JADE1: variants seen among roughly 807,000 people sequenced by gnomAD.
JADE1 encodes protein Jade-1.
In JADE1, 14 loss-of-function variants were observed where a neutral mutation model predicts 81.8. The observed-to-expected ratio is 0.17, with a 90% CI of 0.11 to 0.27. The LOEUF (loss-of-function observed/expected upper bound fraction) is 0.27. JADE1 is among the 10% of genes least tolerant of loss of function. The probability of loss-of-function intolerance (pLI) is 1.00; values close to 1 mark genes in which losing one functional copy is unlikely to be tolerated. For synonymous variants in JADE1, 353 were observed against 391.9 expected (o/e 0.90, Z 1.17); for missense variants, 690 against 1,047.9 (o/e 0.66, Z 4.71).
intron 9 of JADE1, among the ~76,000 whole-genome samples, chr4:128,867,092 T>G (rs1731836617): frequency 6.6e-6 from 1 of 152,208 alleles, no homozygotes. Context: ...CTCTTAGCAC[T>G]GGGTCTTTTC....
rs1256719633 is a variant in JADE1 at position 128,861,904 on chromosome 4, G to A, written c.1182G>A (p.Arg394=). ...QENGAPECSP[R]NPLEPFASLE... is the part of the protein sequence containing the mutation. ...ATGGGGCCCCTGAGTGTTCCCCCCGGAATCCGCTGGAGCCCTTTGCCAGCC... is the reference window on the plus strand; with the variant it reads ...ATGGGGCCCCTGAGTGTTCCCCCCGAAATCCGCTGGAGCCCTTTGCCAGCC... Residue 394 remains arginine, a synonymous_variant, in exon 9 of 11, where the codon CGG becomes CGA. Transcript: ENST00000226319. The A allele has an allele frequency of 1.9e-6, 3 of 1,613,958 alleles. No homozygotes were observed. Among genetic ancestry groups the A allele is most frequent in the East Asian group, 2.2e-5 (1 of 44,890 alleles).
At chr4:128,852,676 C>A (rs566101858) in intron 6 of JADE1, among the ~76,000 whole-genome samples, 1 of 152,262 alleles carries the variant, frequency 6.6e-6, no homozygotes, top group South Asian at 2.1e-4. Flanking sequence ...GTGGAACAGA[C>A]AAATTACTAC....
intron 5 of JADE1, among the ~76,000 whole-genome samples, chr4:128,849,530 A>T (rs1730165147): frequency 6.6e-6 from 1 of 152,076 alleles, no homozygotes; most frequent in Non-Finnish European, 1.5e-5. Flanking sequence ...TGCCATTCGG[A>T]TTCCTTCTTT....
intron 1 of JADE1, among the ~76,000 whole-genome samples, chr4:128,828,730 A>G (rs772013458): frequency 1.3e-5 from 2 of 152,172 alleles, no homozygotes; most frequent in African/African-American, 4.8e-5. Context: ...GTGCTTCCTC[A>G]GGGAGTTGTG....
chr4:128,846,370 T>G lies in JADE1; in HGVS notation c.139-5T>G. 2 of 1,613,598 alleles carry G rather than the reference T, an allele frequency of 1.2e-6. No homozygotes were observed. The highest frequency in any genetic ancestry group is 1.7e-6 in the Non-Finnish European group (2 of 1,179,624). ...ATGTCAGTGTCCCTTTCTCTTCCTTTCCAGGTGTTTAGGACAGACCTGATC... is the reference window on the plus strand; with the variant it reads ...ATGTCAGTGTCCCTTTCTCTTCCTTGCCAGGTGTTTAGGACAGACCTGATC... On this transcript the variant is annotated splice_polypyrimidine_tract_variant and splice_region_variant and intron_variant, in intron 3 of 10. Coordinates refer to ENST00000226319, the MANE Select transcript of JADE1 (RefSeq NM_199320.4). This position sits in a 1 kb window ranked among gnomAD's most constrained non-coding sequence, Gnocchi z 4.0.
intron 3 of JADE1, among the ~76,000 whole-genome samples, 167 bp downstream of exon 3, chr4:128,843,205 T>C (rs564207773): frequency 2.0e-5 from 3 of 152,402 alleles, no homozygotes; most frequent in Admixed American, 2.0e-4. Context: ...ATAGGATTGT[T>C]GTGAGGATTA....
intron 1 of JADE1, among the ~76,000 whole-genome samples, chr4:128,824,156 C>T (rs1216948935): frequency 2.0e-5 from 3 of 152,136 alleles, no homozygotes; most frequent in Admixed American, 6.6e-5. Flanking sequence ...CGGTGGCTCA[C>T]GCCTGTAATC....
In JADE1 at chr4:128,873,439, A is replaced by T. The variant is rs1039968427; in HGVS notation, c.*1177A>T. ...CCTTGAATAGGTTTTCTGTAGTCAGAGTTCTAAACTCTAATTTGTAACTTG... is the reference window on the plus strand; with the variant it reads ...CCTTGAATAGGTTTTCTGTAGTCAGTGTTCTAAACTCTAATTTGTAACTTG... On this transcript the variant is annotated 3_prime_UTR_variant, in exon 11 of 11. Transcript: ENST00000226319. 2.6e-5 allele frequency: 4 copies of T among 152,640 alleles called. No individual in the cohort carries two copies. The highest frequency in any genetic ancestry group is 9.7e-5 in the African/African-American group (4 of 41,448). 9.5% of individuals were successfully genotyped at this position (152,640 alleles called of 1,614,324 possible).
chr4:128,820,686 C>T (rs1018504739), intron 1 of JADE1, among the ~76,000 whole-genome samples: 1 of 144,712 alleles, frequency 6.9e-6, no homozygotes, highest in African/African-American at 2.5e-5. Flanking sequence ...GAGTCTCTCT[C>T]TTTTTTTTTT....
chr4:128,868,127 C>G (rs1018798999), intron 10 of JADE1, among the ~76,000 whole-genome samples, 154 bp downstream of exon 10: 2 of 152,174 alleles, frequency 1.3e-5, no homozygotes, highest in Admixed American at 6.5e-5. Flanking sequence ...TTTGAGGCAT[C>G]ATGTTTAAGG....
intron 2 of JADE1, among the ~76,000 whole-genome samples, chr4:128,839,505 C>T (rs984783870): frequency 3.3e-5 from 5 of 152,270 alleles, no homozygotes; most frequent in South Asian, 2.1e-4. Context: ...TACTTTGATA[C>T]GTTTTGACAT....
intron 7 of JADE1, 117 bp from the exon 8 acceptor site, chr4:128,857,221 C>T (rs1489120277): frequency 1.6e-5 from 13 of 795,100 alleles, no homozygotes; most frequent in Non-Finnish European, 2.6e-5. Flanking sequence ...AGTGGGTGCC[C>T]CTTGCCACTG....
rs1579257190 is a variant in JADE1, at chr4:128,872,178, G to A, written c.2445G>A (p.Glu815=). The change falls in exon 11 of 11, where the codon GAG becomes GAA. Residue 815 remains glutamate, a synonymous_variant. Coordinates refer to ENST00000226319, the MANE Select transcript of JADE1 (RefSeq NM_199320.4). Reference sequence around the variant, plus strand: ...TGGAAATGAGTGACTCAGAGAGTGAGGCATCAGAAAAGAAATGTATACACA... The same window carrying A: ...TGGAAATGAGTGACTCAGAGAGTGAAGCATCAGAAAAGAAATGTATACACA... ...PDVEMSDSES[E]ASEKKCIHTS... is the part of the protein sequence containing the mutation. The A allele has an allele frequency of 3.7e-6, 6 of 1,614,168 alleles. No homozygotes were observed. Among genetic ancestry groups the A allele is most frequent in the Non-Finnish European group, 4.2e-6 (5 of 1,180,022 alleles).
At chr4:128,842,836 G>A (rs1729557097) in intron 2 of JADE1, 117 bp from the exon 3 acceptor site, 2 of 779,352 alleles carry the variant, frequency 2.6e-6, no homozygotes, top group Admixed American at 4.0e-5. Flanking sequence ...ATCACAGGTG[G>A]TCTCATGGTG....
chr4:128,874,516 A>C lies in JADE1; in HGVS notation c.*2254A>C, dbSNP rs548807003. On this transcript the variant is annotated 3_prime_UTR_variant, in exon 11 of 11. Coordinates refer to ENST00000226319, the MANE Select transcript of JADE1 (RefSeq NM_199320.4). Reference sequence around the variant, plus strand: ...AACAAAACAAAAAATATTAAAAAAAACCCACACAAAAACAAAACACACAAA... The same window carrying C: ...AACAAAACAAAAAATATTAAAAAAACCCCACACAAAAACAAAACACACAAA... 2 of 152,042 alleles carry C rather than the reference A, an allele frequency of 1.3e-5. No homozygotes were observed. The highest frequency in any genetic ancestry group is 3.9e-4 in the East Asian group (2 of 5,166). 9.4% of individuals were successfully genotyped at this position (152,042 alleles called of 1,614,324 possible). A position where few individuals can be genotyped will look rare whatever the true frequency, so the allele number is the denominator to read the frequency against.
At chr4:128,829,584 G>T (rs996846571) in intron 1 of JADE1, among the ~76,000 whole-genome samples, 46 of 152,198 alleles carry the variant, frequency 3.0e-4, no homozygotes, top group African/African-American at 1.1e-3. Context: ...GTTCATGCGA[G>T]TCTGAATTAA....
At position 128,831,734 on chromosome 4, in the gene JADE1, C is replaced by T. The variant is rs1172775656; in HGVS notation, c.-25C>T. On this transcript the variant is annotated splice_region_variant and 5_prime_UTR_variant, in exon 2 of 11. Coordinates refer to ENST00000226319, the MANE Select transcript of JADE1 (RefSeq NM_199320.4). ...AAGTGCTGTCTCATTGCTTTGCAGGCTGCCTGCTGTTTCCCGGGGAGATCA... is the reference window on the plus strand; with the variant it reads ...AAGTGCTGTCTCATTGCTTTGCAGGTTGCCTGCTGTTTCCCGGGGAGATCA... 1 of 1,613,890 alleles carries T rather than the reference C, an allele frequency of 6.2e-7. No individual in the cohort carries two copies. The highest frequency in any genetic ancestry group is 1.7e-5 in the Admixed American group (1 of 59,984).
chr4:128,867,339 C>T (rs753163847), intron 9 of JADE1, among the ~76,000 whole-genome samples: 6 of 152,210 alleles, frequency 3.9e-5, no homozygotes, highest in Non-Finnish European at 7.3e-5. Flanking sequence ...TCCAGTGGGC[C>T]TGGTGCAGGG....
At chr4:128,826,423 G>C (rs1377251530) in intron 1 of JADE1, among the ~76,000 whole-genome samples, 1 of 151,720 alleles carries the variant, frequency 6.6e-6, no homozygotes, top group Non-Finnish European at 1.5e-5. Context: ...AGTGGCACAC[G>C]CTCAGCTCAC....
Sources: allele counts gnomAD v4.1 joint callset (sites outside exome capture counted in the v4.1 genomes callset), GRCh38; gene constraint gnomAD v4.1.1; non-coding constraint Gnocchi (gnomAD v3.1); transcripts MANE v1.5; gene names NCBI Gene and HGNC (gene_info 2026-07-23, HGNC 2026-07-21).